The following ZSCAN5A variants were observed in gnomAD, a reference collection of about 807,000 sequenced individuals.
ZSCAN5A encodes the protein zinc finger and SCAN domain containing 5A, also known as zinc finger and SCAN domain-containing protein 5A.
In ZSCAN5A, 12 loss-of-function variants were observed where a neutral mutation model predicts 23.7. The observed-to-expected ratio is 0.51, with a 90% CI of 0.32 to 0.82. ZSCAN5A has a LOEUF of 0.82. ZSCAN5A is among the 40% of genes least tolerant of loss of function. The probability of loss-of-function intolerance (pLI) is 0.03; values close to 1 mark genes in which losing one functional copy is unlikely to be tolerated. For synonymous variants in ZSCAN5A, 257 were observed against 239.9 expected, an observed-to-expected ratio of 1.07 and a Z score of -0.66; for missense variants, 597 against 617.9, an observed-to-expected ratio of 0.97 and a Z score of 0.36.
intron 2 of ZSCAN5A, among the ~76,000 whole-genome samples, chr19:56,353,492 G>A (rs1201756476): frequency 6.6e-6 from 1 of 152,126 alleles, no homozygotes; most frequent in African/African-American, 2.4e-5. Context: ...TATTGAGGCC[G>A]GGCGCGGTGG....
Position 56,351,822 on chromosome 19 carries a change from A to G in ZSCAN5A, c.-358+11413T>C, listed in dbSNP as rs756611155. On this transcript the variant is annotated intron_variant, in intron 2 of 6. Coordinates refer to the ZSCAN5A transcript ENST00000587340. The surrounding 1 kb of genome is among the most constrained non-coding windows in gnomAD (Gnocchi z 4.8). ...CGCTAAGATTGCACAGGTGCAGCGA[A>G]TACGAACCTGGGAAGACTGTGGTGT... 6.6e-6 allele frequency among the ~76,000 whole-genome samples: 1 copy of G among 152,192 alleles called. No homozygotes were observed. The highest frequency in any genetic ancestry group is 1.5e-5 in the Non-Finnish European group (1 of 68,036).
chr19:56,265,288 A>C (rs575742757), intron 2 of ZSCAN5A, among the ~76,000 whole-genome samples: 2 of 150,804 alleles, frequency 1.3e-5, no homozygotes, highest in Admixed American at 6.7e-5. Context: ...TCAACAACAC[A>C]ATTCCAAACC....
intron 2 of ZSCAN5A, among the ~76,000 whole-genome samples, chr19:56,288,528 T>C (rs2039292228): frequency 6.6e-6 from 1 of 152,168 alleles, no homozygotes; most frequent in Non-Finnish European, 1.5e-5. Flanking sequence ...CTTTTGATGC[T>C]TTTGCTGTCT....
chr19:56,316,662 A>T (rs1299921068), upstream of ZSCAN5A: 1 of 152,590 alleles, frequency 6.6e-6, no homozygotes, highest in Non-Finnish European at 1.5e-5. Flanking sequence ...TTCACTGGAT[A>T]TTCAGGTTTT....
At chr19:56,275,874 TTGGA>T (rs1170379976) in intron 2 of ZSCAN5A, among the ~76,000 whole-genome samples, 1 of 152,094 alleles carries the variant, frequency 6.6e-6, no homozygotes, top group East Asian at 1.9e-4. Context: ...TGAATGTTGG[TTGGA>T]TGGATGATGA....
intron 2 of ZSCAN5A, among the ~76,000 whole-genome samples, chr19:56,278,989 T>C (rs1315698194): frequency 6.6e-6 from 1 of 152,126 alleles, no homozygotes; most frequent in Non-Finnish European, 1.5e-5. Context: ...CACACCCCAA[T>C]ATCCTCCAGA....
At chr19:56,255,826 T>G (rs1193452445) in intron 2 of ZSCAN5A, among the ~76,000 whole-genome samples, 3 of 152,102 alleles carry the variant, frequency 2.0e-5, no homozygotes, top group Non-Finnish European at 4.4e-5. Flanking sequence ...CATCAAAAAG[T>G]TAACTCTGAG....
At chr19:56,262,591 G>A (rs1287596196) in intron 2 of ZSCAN5A, among the ~76,000 whole-genome samples, 1 of 151,530 alleles carries the variant, frequency 6.6e-6, no homozygotes, top group Non-Finnish European at 1.5e-5. Context: ...CACCATGCCC[G>A]GCTAATTTTT....
chr19:56,329,312 G>A (rs1031595081), intron 2 of ZSCAN5A, among the ~76,000 whole-genome samples: 24 of 152,140 alleles, frequency 1.6e-4, no homozygotes, highest in African/African-American at 5.8e-4. Flanking sequence ...TCGTGTCACT[G>A]TACTCCAGCC....
chr19:56,288,934 T>C (rs1441994271), intron 2 of ZSCAN5A, among the ~76,000 whole-genome samples: 1 of 152,176 alleles, frequency 6.6e-6, no homozygotes, highest in Non-Finnish European at 1.5e-5. Flanking sequence ...TAGATTCTCA[T>C]AACCACCGCT....
At chr19:56,321,230 T>C (rs2041372266) in intron 2 of ZSCAN5A, 3 of 669,982 alleles carry the variant, frequency 4.5e-6, no homozygotes, top group Admixed American at 2.0e-5. Flanking sequence ...TTGGATGGTG[T>C]GTAATATCAG....
chr19:56,267,022 C>T (rs1440928867), intron 2 of ZSCAN5A, among the ~76,000 whole-genome samples: 2 of 144,564 alleles, frequency 1.4e-5, no homozygotes, highest in Admixed American at 7.2e-5. Context: ...CTTTTTTCTG[C>T]CTCGGGGTCT....
At chr19:56,275,533 C>A (rs2038185114) in intron 2 of ZSCAN5A, among the ~76,000 whole-genome samples, 1 of 152,088 alleles carries the variant, frequency 6.6e-6, no homozygotes, top group South Asian at 2.1e-4. Flanking sequence ...GAGTTTGAGA[C>A]CAGCCTGGGC....
chr19:56,246,788 A>C (rs1237601766), intron 2 of ZSCAN5A: 17 of 1,607,594 alleles, frequency 1.1e-5, no homozygotes, highest in Non-Finnish European at 1.4e-5. Flanking sequence ...TCTGTCGAAA[A>C]TGTGGATGCT....
chr19:56,327,552 T>TTA (rs1034891170), intron 2 of ZSCAN5A, among the ~76,000 whole-genome samples: 2 of 150,918 alleles, frequency 1.3e-5, no homozygotes, highest in African/African-American at 4.9e-5. Flanking sequence ...AATATGCACA[T>TTA]TATATTAAAT....
intron 2 of ZSCAN5A, chr19:56,304,664 G>A (rs1465607135): frequency 2.4e-5 from 9 of 373,356 alleles, no homozygotes; most frequent in African/African-American, 2.0e-4. Context: ...CAACCAGAGG[G>A]AAAGAGCAGA....
chr19:56,234,790 G>T (rs1055568674), intron 2 of ZSCAN5A, among the ~76,000 whole-genome samples: 1 of 152,184 alleles, frequency 6.6e-6, no homozygotes, highest in Non-Finnish European at 1.5e-5. Context: ...GCCCTTAAAA[G>T]GGACAGGAAT....
At chr19:56,259,545 T>C (rs1306160593) in intron 2 of ZSCAN5A, among the ~76,000 whole-genome samples, 1 of 152,248 alleles carries the variant, frequency 6.6e-6, no homozygotes, top group Non-Finnish European at 1.5e-5. Flanking sequence ...GTGAGATCTA[T>C]GGAGGTATGC....
chr19:56,297,527 G>C, intron 2 of ZSCAN5A: 1 of 985,146 alleles, frequency 1.0e-6, no homozygotes, highest in Non-Finnish European at 1.2e-6. Flanking sequence ...GCTGCAAGGA[G>C]GAAGGTAAGT....
Sources: gnomAD v4.1 joint callset for allele counts (sites outside exome capture counted in the v4.1 genomes callset) on GRCh38, gnomAD v4.1.1 for gene constraint, Gnocchi (gnomAD v3.1) non-coding constraint, MANE v1.5 for transcripts, NCBI Gene and HGNC (gene_info 2026-07-23, HGNC 2026-07-21) for gene names.